Variants in DPP4 observed in about 807,000 individuals in gnomAD.
DPP4 encodes the protein dipeptidyl peptidase 4, also known as ADCP-2.
Under a neutral mutation model 122.4 loss-of-function variants are expected in DPP4, and 93 were observed. That is an observed-to-expected ratio of 0.76 (90% CI 0.64 to 0.90). DPP4 has a LOEUF of 0.90. Ranked by LOEUF, DPP4 falls within the 40% of genes least tolerant of loss-of-function variation. DPP4 has a pLI of 0.00. For synonymous variants in DPP4, 321 were observed against 302.9 expected (o/e 1.06, Z -0.62); for missense variants, 914 against 907.3 (o/e 1.01, Z -0.09).
intron 21 of DPP4, among the ~76,000 whole-genome samples, 192 bp downstream of exon 21, chr2:162,009,049 C>T (rs1701352857): frequency 6.6e-6 from 1 of 152,050 alleles, no homozygotes; most frequent in Non-Finnish European, 1.5e-5. Flanking sequence ...TCTACCTCAC[C>T]TCCCTGGCTC....
intron 20 of DPP4, 58 bp from the exon 21 acceptor site, chr2:162,009,353 A>T: frequency 6.7e-7 from 1 of 1,495,372 alleles, no homozygotes. Flanking sequence ...GAAAACTTAG[A>T]TGAGGCACAA....
intron 2 of DPP4, among the ~76,000 whole-genome samples, chr2:162,070,870 T>C (rs188150947): frequency 3.3e-5 from 5 of 152,334 alleles, no homozygotes; most frequent in Admixed American, 2.6e-4. Flanking sequence ...AAGAAATTAC[T>C]AGAGTGGTAA....
intron 9 of DPP4, among the ~76,000 whole-genome samples, chr2:162,033,899 C>CT (rs1576053673): frequency 1.2e-5 from 1 of 84,846 alleles, no homozygotes; most frequent in East Asian, 7.5e-4. Context: ...TATATACACA[C>CT]TATATAAAAC....
chr2:162,034,622 A>G (rs1479226563), intron 9 of DPP4, among the ~76,000 whole-genome samples: 1 of 152,194 alleles, frequency 6.6e-6, no homozygotes, highest in Non-Finnish European at 1.5e-5. Context: ...AAAGCTCCTC[A>G]ATTTTAGTAA....
chr2:162,033,646 G>A lies in DPP4; in HGVS notation c.782C>T (p.Ala261Val). ...AAAGAACTTTACAGTTGGATTCACA[G>A]CTCCTGCCTAGGAAAAAATAATCAC... ...TVRVPYPKAG[A>V]VNPTVKFFVV... The change falls in exon 10 of 26, where the codon GCT (alanine) becomes GTT (valine). Residue 261 changes from alanine to valine, a missense_variant. Physicochemically the swap from Ala to Val is moderately conservative, Grantham distance 64. Transcript: ENST00000360534. The A allele has an allele frequency of 1.2e-6, 2 of 1,603,212 alleles. No homozygotes were observed. Among genetic ancestry groups the A allele is most frequent in the Non-Finnish European group, 1.7e-6 (2 of 1,175,822 alleles).
chr2:162,004,607 A>T (rs1388508154), intron 23 of DPP4, among the ~76,000 whole-genome samples: 1 of 151,378 alleles, frequency 6.6e-6, no homozygotes, highest in South Asian at 2.1e-4. Context: ...ACACACGCAC[A>T]CACACACATA....
Position 161,993,102 on chromosome 2 carries a change from T to C in DPP4, c.*181A>G, listed in dbSNP as rs1015406536. On this transcript the variant is annotated 3_prime_UTR_variant, in exon 26 of 26. Coordinates refer to ENST00000360534, the MANE Select transcript of DPP4 (RefSeq NM_001935.4). ...AAACTTCTGTAAGGTAATAATCTGT[T>C]GTGAAGACAGAAGTCCCTACTTAAG... is the stretch of plus-strand genomic sequence containing the variant. The C allele has an allele frequency of 2.6e-5, 14 of 546,102 alleles. No homozygotes were observed. Among genetic ancestry groups the C allele is most frequent in the Non-Finnish European group, 4.6e-5 (14 of 303,622 alleles). The allele number at this position is 546,102 out of a possible 1,614,324, so 33.8% of individuals were successfully genotyped here. A position where few individuals can be genotyped will look rare whatever the true frequency, so the allele number is the denominator to read the frequency against.
chr2:162,019,583 C>A (rs901688010), intron 14 of DPP4, among the ~76,000 whole-genome samples: 1 of 151,980 alleles, frequency 6.6e-6, no homozygotes, highest in South Asian at 2.1e-4. Context: ...AGGCAGCTAG[C>A]CTGAAATTGA....
At chr2:162,013,747 C>T (rs1038753127) in intron 19 of DPP4, among the ~76,000 whole-genome samples, 13 of 152,020 alleles carry the variant, frequency 8.6e-5, no homozygotes, top group Non-Finnish European at 1.0e-4. Context: ...AAGAGCCTGA[C>T]ATTATGGCAT....
At chr2:162,023,448 TC>T (rs1336130511) in intron 11 of DPP4, among the ~76,000 whole-genome samples, 1 of 152,146 alleles carries the variant, frequency 6.6e-6, no homozygotes, top group African/African-American at 2.4e-5. Context: ...TTTGCCTATA[TC>T]TCTAGCCTCA....
At chr2:162,061,465 T>C (rs1684768749) in intron 2 of DPP4, among the ~76,000 whole-genome samples, 1 of 152,242 alleles carries the variant, frequency 6.6e-6, no homozygotes. Flanking sequence ...CTGTACCACA[T>C]ATTTTGCCAA....
rs760073926 is a variant in DPP4, at chr2:162,009,321, G to A, written c.1833-26C>T. The stretch of plus-strand genomic sequence containing the variant: ...CTAAAACACAAGGAAAAAGTCCACA[G>A]ATCAGTACTGCATTGTGTATAGAAA... On this transcript the variant is annotated intron_variant, in intron 20 of 25. Coordinates refer to ENST00000360534, the MANE Select transcript of DPP4 (RefSeq NM_001935.4). The A allele has an allele frequency of 2.5e-6, 4 of 1,606,190 alleles. No homozygotes were observed. The East Asian group carries it at 6.7e-5, about 27-fold the overall frequency.
intron 19 of DPP4, 55 bp downstream of exon 19, chr2:162,014,341 G>A (rs1682829621): frequency 6.8e-7 from 1 of 1,470,152 alleles, no homozygotes; most frequent in Non-Finnish European, 9.4e-7. Context: ...GCTGCACTGA[G>A]AAAAATATAT....
intron 2 of DPP4, among the ~76,000 whole-genome samples, chr2:162,072,542 T>C (rs537433324): frequency 1.3e-3 from 192 of 152,326 alleles, no homozygotes; most frequent in African/African-American, 4.4e-3. Flanking sequence ...GACTATACAT[T>C]CCTCAGTTGA....
intron 5 of DPP4, among the ~76,000 whole-genome samples, chr2:162,045,146 CA>C (rs1361126230): frequency 1.3e-5 from 2 of 151,828 alleles, no homozygotes; most frequent in Admixed American, 6.6e-5. Context: ...TTTAAAAACA[CA>C]TATCTATGGA....
At chr2:162,017,298 A>G in intron 16 of DPP4, 143 bp from the exon 17 acceptor site, 3 of 671,072 alleles carry the variant, frequency 4.5e-6, no homozygotes, top group Non-Finnish European at 7.4e-6. Context: ...AGTTTAATAC[A>G]TGTTAGCTGT....
At chr2:162,062,816 C>T (rs2106154779) in intron 2 of DPP4, among the ~76,000 whole-genome samples, 1 of 152,244 alleles carries the variant, frequency 6.6e-6, no homozygotes, top group African/African-American at 2.4e-5. Context: ...TTTCTTAAAG[C>T]CAACTGTGCA....
In DPP4 at chr2:162,038,371, T is replaced by A. The variant is rs201869026; in HGVS notation, c.544A>T (p.Ser182Cys). 8 of 1,608,594 alleles carry A rather than the reference T, an allele frequency of 5.0e-6. No individual in the cohort carries two copies. The highest frequency in any genetic ancestry group is 1.7e-4 in the Middle Eastern group (1 of 6,060). The change falls in exon 8 of 26, where the codon AGT becomes TGT. Residue 182 changes from serine to cysteine, a missense_variant. Ser to Cys is a moderately radical substitution (Grantham distance 112, BLOSUM62 -1). Transcript: ENST00000360534. ...TTCCCCGTCCATGTGATTCTGTAAC[T>A]TGGTAAATTTGGTTCAATTTTAACA... ...IYVKIEPNLP[S>C]YRITWTGKED...
At chr2:162,036,848 C>G (rs1683793378) in intron 8 of DPP4, among the ~76,000 whole-genome samples, 2 of 152,148 alleles carry the variant, frequency 1.3e-5, no homozygotes, top group African/African-American at 4.8e-5. Context: ...GCCCTTATGA[C>G]TCCAAGTCAT....
Sources: gnomAD v4.1 joint callset for allele counts (sites outside exome capture counted in the v4.1 genomes callset) on GRCh38, gnomAD v4.1.1 for gene constraint, MANE v1.5 for transcripts, NCBI Gene and HGNC (gene_info 2026-07-23, HGNC 2026-07-21) for gene names.